DMXL1: variants seen among roughly 807,000 people sequenced by gnomAD.
The protein encoded by DMXL1 is dmX-like protein 1.
In DMXL1, 99 loss-of-function variants were observed where a neutral mutation model predicts 319.2. The observed-to-expected ratio is 0.31, with a 90% CI of 0.26 to 0.37. The LOEUF is 0.37. DMXL1 is among the 10% of genes least tolerant of loss of function. DMXL1 has a pLI of 1.00. For missense variants in DMXL1, 3,745 were observed against 3,595.6 expected (o/e 1.04, Z -1.06); for synonymous variants, 1,385 against 1,235.2 (o/e 1.12, Z -2.54).
chr5:119,148,637 A>G lies in DMXL1; in HGVS notation c.2912-102A>G, dbSNP rs1475858687. ...CCAAGATGCCCCTTTGATTTTGTTC[A>G]TATTTATAGTAGTTAATACAAAAGA... On this transcript the variant is annotated intron_variant, in intron 17 of 43. Coordinates refer to ENST00000539542, the MANE Select transcript of DMXL1 (RefSeq NM_001290321.3). The G allele has an allele frequency of 5.3e-6, 6 of 1,139,452 alleles. No individual in the cohort carries two copies. The African/African-American group carries it at 9.4e-5, about 18-fold the overall frequency. 70.6% of individuals were successfully genotyped at this position (1,139,452 alleles called of 1,614,324 possible).
intron 37 of DMXL1, among the ~76,000 whole-genome samples, chr5:119,224,148 C>CA (rs956436197): frequency 1.3e-5 from 2 of 151,994 alleles, no homozygotes; most frequent in African/African-American, 4.8e-5. Context: ...ATAACAATAA[C>CA]AAAACCTACC....
rs1380989054 is a variant in DMXL1 at position 119,147,692 on chromosome 5, A to C, written c.2911+222A>C. 5 of 411,108 alleles carry C rather than the reference A, an allele frequency of 1.2e-5. 1 individual carries two copies. Among genetic ancestry groups the C allele is most frequent in the African/African-American group, 1.0e-4 (5 of 48,512 alleles). The allele number at this position is 411,108 out of a possible 1,614,324, so 25.5% of individuals were successfully genotyped here. A position where few individuals can be genotyped will look rare whatever the true frequency, so the allele number is the denominator to read the frequency against. ...GTCTTAAATATTGATTTCTAAAACAAATTTTCTTTGTCTTTTTGGGAAGAC... is the reference window on the plus strand; with the variant it reads ...GTCTTAAATATTGATTTCTAAAACACATTTTCTTTGTCTTTTTGGGAAGAC... On this transcript the variant is annotated intron_variant, in intron 17 of 43. Transcript: ENST00000539542.
In DMXL1 at chr5:119,147,496, T is replaced by C. The variant is rs757448707; in HGVS notation, c.2911+26T>C. 18 of 1,528,428 alleles carry C rather than the reference T, an allele frequency of 1.2e-5. 1 individual carries two copies. In the Middle Eastern group the frequency reaches 2.7e-3, roughly 230 times the overall value. The allele number at this position is 1,528,428 out of a possible 1,614,324, so 94.7% of individuals were successfully genotyped here. A position where few individuals can be genotyped will look rare whatever the true frequency, so the allele number is the denominator to read the frequency against. On this transcript the variant is annotated intron_variant, in intron 17 of 43. Coordinates refer to ENST00000539542, the MANE Select transcript of DMXL1 (RefSeq NM_001290321.3). ...GTTTGTAAATTTTATGAAAAGAGACTAATTTTGTAACACATGAGTATTTAC... is the reference window on the plus strand; with the variant it reads ...GTTTGTAAATTTTATGAAAAGAGACCAATTTTGTAACACATGAGTATTTAC...
chr5:119,231,356 T>G (rs1327656056), intron 38 of DMXL1, among the ~76,000 whole-genome samples: 1 of 152,194 alleles, frequency 6.6e-6, no homozygotes, highest in African/African-American at 2.4e-5. Flanking sequence ...TTCCAAAATC[T>G]TATCTACCTG....
intron 38 of DMXL1, among the ~76,000 whole-genome samples, chr5:119,229,289 T>G (rs1786207554): frequency 6.6e-6 from 1 of 152,102 alleles, no homozygotes; most frequent in African/African-American, 2.4e-5. Context: ...CAGGAAATTA[T>G]CTTGATAAAA....
intron 26 of DMXL1, among the ~76,000 whole-genome samples, chr5:119,176,446 A>G (rs560710162): frequency 6.6e-6 from 1 of 152,122 alleles, no homozygotes; most frequent in African/African-American, 2.4e-5. Context: ...TCATCCTTCA[A>G]GAATTCACTT....
chr5:119,200,587 G>A (rs1780516338), intron 32 of DMXL1, among the ~76,000 whole-genome samples: 1 of 152,042 alleles, frequency 6.6e-6, no homozygotes, highest in Non-Finnish European at 1.5e-5. Context: ...TTTAAAATAG[G>A]TTTCTCTAGT....
chr5:119,147,384 G>A lies in DMXL1; in HGVS notation c.2825G>A (p.Arg942Lys). 6.2e-7 allele frequency: 1 copy of A among 1,613,448 alleles called. No individual in the cohort carries two copies. Among genetic ancestry groups the A allele is most frequent in the Non-Finnish European group, 8.5e-7 (1 of 1,179,636 alleles). ...ACRANLQSTSRLTLFSEMVYS... is the reference protein window; with the variant it reads ...ACRANLQSTSKLTLFSEMVYS... ...AGAGCAAATCTCCAGAGTACCAGCAGGTTGACTCTGTTTTCAGAAATGGTT... is the reference window on the plus strand; with the variant it reads ...AGAGCAAATCTCCAGAGTACCAGCAAGTTGACTCTGTTTTCAGAAATGGTT... The change falls in exon 17 of 44, where the codon AGG (arginine) becomes AAG (lysine). Residue 942 changes from arginine (R) to lysine (K), a missense_variant. By Grantham distance (26) the Arg-to-Lys change is conservative. Coordinates refer to ENST00000539542, the MANE Select transcript of DMXL1 (RefSeq NM_001290321.3).
chr5:119,164,999 C>T (rs1420448619), intron 20 of DMXL1, among the ~76,000 whole-genome samples, 184 bp from the exon 21 acceptor site: 1 of 151,890 alleles, frequency 6.6e-6, no homozygotes, highest in Non-Finnish European at 1.5e-5. Flanking sequence ...TCTCTGTATC[C>T]ATTGAAGCCA....
chr5:119,076,395 GTGTT>G (rs895805708), intron 1 of DMXL1, among the ~76,000 whole-genome samples: 7 of 151,860 alleles, frequency 4.6e-5, no homozygotes, highest in Non-Finnish European at 7.4e-5. Flanking sequence ...GGATGGGAAG[GTGTT>G]TGTTTTTTTT....
Position 119,133,969 on chromosome 5 carries a change from C to G in DMXL1, c.2045C>G (p.Ser682Cys). The change falls in exon 12 of 44, where the codon TCT (serine) becomes TGT (cysteine). Residue 682 changes from serine to cysteine, a missense_variant. Ser to Cys is a moderately radical substitution (Grantham distance 112). This residue lies in a region of DMXL1 where 2,096 missense variants were observed against 1,985.4 expected (regional missense o/e 1.06). Transcript: ENST00000539542. ...PFDALNIEEC[S>C]LTQQNKSTVD... Reference sequence around the variant, plus strand: ...GATGCTCTAAATATTGAAGAATGCTCTTTGACACAACAAAATAAAAGCACT... The same window carrying G: ...GATGCTCTAAATATTGAAGAATGCTGTTTGACACAACAAAATAAAAGCACT... The G allele has an allele frequency of 6.2e-7, 1 of 1,614,188 alleles. No individual in the cohort carries two copies. The highest frequency in any genetic ancestry group is 8.5e-7 in the Non-Finnish European group (1 of 1,180,032).
At chr5:119,148,429 G>A (rs895292271) in intron 17 of DMXL1, among the ~76,000 whole-genome samples, 1 of 152,130 alleles carries the variant, frequency 6.6e-6, no homozygotes, top group Non-Finnish European at 1.5e-5. Flanking sequence ...GGCCCAAGAT[G>A]TTTAACCTTC....
chr5:119,118,651 G>A (rs994535459), intron 7 of DMXL1, among the ~76,000 whole-genome samples, 164 bp from the exon 8 acceptor site: 12 of 152,180 alleles, frequency 7.9e-5, no homozygotes, highest in African/African-American at 2.7e-4. Context: ...AGGCAGAAAA[G>A]AAATAGGTTG....
chr5:119,228,864 G>A (rs887997053), intron 38 of DMXL1, among the ~76,000 whole-genome samples: 8 of 152,020 alleles, frequency 5.3e-5, no homozygotes, highest in African/African-American at 1.9e-4. Context: ...TTATGTTGTT[G>A]TAGAAAAATC....
chr5:119,113,833 G>C (rs1760210335), intron 5 of DMXL1, among the ~76,000 whole-genome samples: 1 of 152,122 alleles, frequency 6.6e-6, no homozygotes, highest in Admixed American at 6.6e-5. Context: ...TTCCTCTTTG[G>C]ATATCTTTAT....
intron 43 of DMXL1, among the ~76,000 whole-genome samples, chr5:119,246,753 C>G (rs969969287): frequency 6.6e-6 from 1 of 151,724 alleles, no homozygotes; most frequent in Non-Finnish European, 1.5e-5. Context: ...CCTGCCCCAG[C>G]CTCCTGAGTA....
intron 7 of DMXL1, 39 bp downstream of exon 7, chr5:119,116,375 G>A (rs1408499052): frequency 3.2e-6 from 5 of 1,574,412 alleles, no homozygotes; most frequent in Admixed American, 1.8e-5. Flanking sequence ...TATTAAGGGA[G>A]CATCATCTTT....
intron 26 of DMXL1, among the ~76,000 whole-genome samples, chr5:119,176,413 CTT>C (rs2150304726): frequency 6.6e-6 from 1 of 152,118 alleles, no homozygotes; most frequent in South Asian, 2.1e-4. Context: ...CCCAAGGTAA[CTT>C]CAACTTGATT....
rs1240152281 is a variant in DMXL1 at position 119,098,111 on chromosome 5, A to T, written c.213+7A>T. Reference sequence around the variant, plus strand: ...TTCAATGCAACAAGGCAAGGTTTGTAATCTTCTTCTAATATACAAATTTGT... The same window carrying T: ...TTCAATGCAACAAGGCAAGGTTTGTTATCTTCTTCTAATATACAAATTTGT... On this transcript the variant is annotated splice_region_variant and intron_variant, in intron 2 of 43. Transcript: ENST00000539542. 1 of 1,597,934 alleles carries T rather than the reference A, an allele frequency of 6.3e-7. No individual in the cohort carries two copies. Among genetic ancestry groups the T allele is most frequent in the Non-Finnish European group, 8.5e-7 (1 of 1,175,918 alleles).
Sources: allele counts gnomAD v4.1 joint callset (sites outside exome capture counted in the v4.1 genomes callset), GRCh38; gene constraint gnomAD v4.1.1; regional missense constraint gnomAD v4.1.1; transcripts MANE v1.5; gene names NCBI Gene and HGNC (gene_info 2026-07-23, HGNC 2026-07-21).